DNAH17: variants seen among roughly 807,000 people sequenced by gnomAD.
The protein encoded by DNAH17 is axonemal beta dynein heavy chain 17.
Under a neutral mutation model 485.6 loss-of-function variants are expected in DNAH17, and 376 were observed. That is an observed-to-expected ratio of 0.77 (90% CI 0.71 to 0.84). The LOEUF is 0.84. Among genes scored for constraint, DNAH17 ranks in the 40% least tolerant of loss-of-function variants. DNAH17 has a pLI of 0.00. For synonymous variants in DNAH17, 3,031 were observed against 2,405.9 expected (o/e 1.26, Z -7.60); for missense variants, 6,370 against 5,839.3 (o/e 1.09, Z -2.96).
At chr17:78,445,300 A>G (rs1418289297) in intron 70 of DNAH17, among the ~76,000 whole-genome samples, 1 of 151,094 alleles carries the variant, frequency 6.6e-6, no homozygotes, top group Admixed American at 6.6e-5. Flanking sequence ...TGGCCCCCAG[A>G]GGATATCACT....
rs369293963 is a variant in DNAH17 at position 78,507,752 on chromosome 17, C to T, written c.4290G>A (p.Pro1430=). 161 of 1,591,624 alleles carry T rather than the reference C, an allele frequency of 1.0e-4. No homozygotes were observed. Among genetic ancestry groups the T allele is most frequent in the Admixed American group, 8.8e-4 (51 of 57,766 alleles). The stretch of plus-strand genomic sequence containing the variant: ...GCATCATGGTGCCTGTCCGCGGGTG[C>T]GGCTCGTGCTGGAATTCCATCATGC... ...TWSMMEFQHE[P]HPRTGTMMLK... is the part of the protein sequence containing the mutation. Residue 1430 remains proline, a synonymous_variant, in exon 28 of 81, where the codon CCG becomes CCA. Coordinates refer to ENST00000389840, the MANE Select transcript of DNAH17 (RefSeq NM_173628.4).
chr17:78,518,547 G>C (rs764590819), intron 25 of DNAH17, among the ~76,000 whole-genome samples: 4 of 152,198 alleles, frequency 2.6e-5, no homozygotes, highest in Non-Finnish European at 4.4e-5. Context: ...TATAATTATA[G>C]TTGGAGAGAT....
rs1422761587 is a variant in DNAH17, at chr17:78,501,593, G to A, written c.5322+149C>T. 9.9e-6 allele frequency: 12 copies of A among 1,218,246 alleles called. No individual in the cohort carries two copies. In the East Asian group the frequency reaches 2.7e-4, roughly 27 times the overall value. The allele number at this position is 1,218,246 out of a possible 1,614,324, so 75.5% of individuals were successfully genotyped here. ...GTGTTGCTCACCAGGGGTGAGTCCG[G>A]GCAAGGAGGTTAGGAGGCAGCTGCA... On this transcript the variant is annotated intron_variant, in intron 34 of 80. Coordinates refer to ENST00000389840, the MANE Select transcript of DNAH17 (RefSeq NM_173628.4).
chr17:78,429,453 A>G (rs1275005935), intron 75 of DNAH17, among the ~76,000 whole-genome samples, 153 bp from the exon 76 acceptor site: 1 of 152,156 alleles, frequency 6.6e-6, no homozygotes, highest in Admixed American at 6.5e-5. Context: ...ATTTACCTTC[A>G]GGGTCACCAG....
At chr17:78,441,397 C>A (rs973250432) in intron 71 of DNAH17, among the ~76,000 whole-genome samples, 198 bp from the exon 72 acceptor site, 1 of 152,110 alleles carries the variant, frequency 6.6e-6, no homozygotes, top group Non-Finnish European at 1.5e-5. Flanking sequence ...CCTCGGGCAC[C>A]CTTTCTTTCC....
intron 1 of DNAH17, among the ~76,000 whole-genome samples, chr17:78,576,987 A>G: frequency 6.6e-6 from 1 of 152,160 alleles, no homozygotes; most frequent in East Asian, 1.9e-4. Context: ...CCCATGCCCC[A>G]GGCCTTCAGG....
intron 11 of DNAH17, 109 bp from the exon 12 acceptor site, chr17:78,562,089 T>TA: frequency 3.0e-6 from 4 of 1,326,828 alleles, no homozygotes; most frequent in South Asian, 1.6e-5. Flanking sequence ...AGAGAATGTG[T>TA]ACCTTGCCAA....
chr17:78,498,193 A>AGC (rs1414787240), intron 37 of DNAH17, among the ~76,000 whole-genome samples: 600 of 144,764 alleles, frequency 4.1e-3, no homozygotes, highest in East Asian at 6.7e-3. Context: ...ATAAATAAAT[A>AGC]AAGCAGGCTC....
chr17:78,438,454 GA>G (rs2086938779), intron 73 of DNAH17, among the ~76,000 whole-genome samples: 5 of 110,238 alleles, frequency 4.5e-5, no homozygotes, highest in Admixed American at 9.1e-5. Context: ...AGGGAGGAGG[GA>G]GGAGGAGGAG....
At chr17:78,482,086 T>C (rs1188575989) in intron 48 of DNAH17, among the ~76,000 whole-genome samples, 1 of 144,748 alleles carries the variant, frequency 6.9e-6, no homozygotes, top group Non-Finnish European at 1.5e-5. Flanking sequence ...TTTTTTTTTT[T>C]TTTTCCCCCG....
chr17:78,554,002 C>T (rs766790309), intron 14 of DNAH17, among the ~76,000 whole-genome samples: 1 of 151,936 alleles, frequency 6.6e-6, no homozygotes, highest in Middle Eastern at 3.2e-3. Flanking sequence ...GCTATGTTGC[C>T]CAGGCTGGTC....
intron 25 of DNAH17, among the ~76,000 whole-genome samples, chr17:78,516,378 A>G (rs1283529276): frequency 7.2e-5 from 11 of 152,176 alleles, no homozygotes; most frequent in Non-Finnish European, 1.5e-4. Context: ...TATGTTCTGT[A>G]ATGCCACTCA....
intron 64 of DNAH17, 100 bp from the exon 65 acceptor site, chr17:78,453,565 G>A (rs565798386): frequency 2.8e-5 from 41 of 1,484,296 alleles, no homozygotes; most frequent in African/African-American, 5.5e-5. Flanking sequence ...GCGAGACAGC[G>A]CCAAGCGAGG....
intron 28 of DNAH17, 28 bp from the exon 29 acceptor site, chr17:78,507,397 A>G: frequency 6.2e-7 from 1 of 1,613,852 alleles, no homozygotes; most frequent in African/African-American, 1.3e-5. Flanking sequence ...TCGCCAAGGC[A>G]TTAGGGATCG....
At chr17:78,490,638 G>A (rs886297809) in intron 44 of DNAH17, 61 bp downstream of exon 44, 18 of 1,539,298 alleles carry the variant, frequency 1.2e-5, no homozygotes, top group Non-Finnish European at 1.6e-5. Flanking sequence ...CTCTGAAACA[G>A]GCCAACAAGT....
intron 1 of DNAH17, among the ~76,000 whole-genome samples, chr17:78,576,828 C>T (rs1342442408): frequency 6.6e-6 from 1 of 152,250 alleles, no homozygotes; most frequent in East Asian, 1.9e-4. Flanking sequence ...GGCCCCTACA[C>T]CCCGCAAGTT....
chr17:78,501,947 C>T, intron 33 of DNAH17, 74 bp from the exon 34 acceptor site: 2 of 1,590,980 alleles, frequency 1.3e-6, no homozygotes, highest in Non-Finnish European at 1.7e-6. Flanking sequence ...GCTGGGTGCC[C>T]ACAGCTGCAT....
At chr17:78,429,800 C>T (rs72907433) in intron 75 of DNAH17, among the ~76,000 whole-genome samples, 2 of 152,096 alleles carry the variant, frequency 1.3e-5, no homozygotes, top group East Asian at 3.8e-4. Context: ...GCCACGAAGT[C>T]GTTAGTCATG....
intron 75 of DNAH17, among the ~76,000 whole-genome samples, chr17:78,431,565 A>G (rs1458649742): frequency 6.6e-6 from 1 of 151,776 alleles, no homozygotes; most frequent in Non-Finnish European, 1.5e-5. Flanking sequence ...TTCCGTTCGC[A>G]TGGGAATCCC....
Sources: gnomAD v4.1 joint callset for allele counts (sites outside exome capture counted in the v4.1 genomes callset) on GRCh38, gnomAD v4.1.1 for gene constraint, MANE v1.5 for transcripts, NCBI Gene and HGNC (gene_info 2026-07-23, HGNC 2026-07-21) for gene names.